The following RYR1 variants were observed in gnomAD, a reference collection of about 807,000 sequenced individuals.
RYR1 encodes the protein central core disease of muscle.
In RYR1, 342 loss-of-function variants were observed where a neutral mutation model predicts 583.5. The observed-to-expected ratio is 0.59, with a 90% CI of 0.54 to 0.64. The LOEUF (loss-of-function observed/expected upper bound fraction) is 0.64, where lower values mean the gene tolerates loss of function less well. Among genes scored for constraint, RYR1 ranks in the 30% least tolerant of loss-of-function variants. The pLI, the probability that RYR1 is intolerant of heterozygous loss-of-function variation, is 0.00. For missense variants in RYR1, 6,032 were observed against 6,917.2 expected (o/e 0.87, Z 4.54); for synonymous variants, 2,791 against 2,822.5 (o/e 0.99, Z 0.35).
chr19:38,567,622 C>A, intron 92 of RYR1, 151 bp from the exon 93 acceptor site: 2 of 1,096,082 alleles, frequency 1.8e-6, no homozygotes, highest in Non-Finnish European at 2.7e-6. Flanking sequence ...CCCATAAGGG[C>A]AAGTCCTGAT....
chr19:38,565,885 C>A lies in RYR1; in HGVS notation c.13437+114C>A. 1 of 1,180,756 alleles carries A rather than the reference C, an allele frequency of 8.5e-7. No individual in the cohort carries two copies. The highest frequency in any genetic ancestry group is 1.1e-6 in the Non-Finnish European group (1 of 920,264). The allele number at this position is 1,180,756 out of a possible 1,614,324, so 73.1% of individuals were successfully genotyped here. A position where few individuals can be genotyped will look rare whatever the true frequency, so the allele number is the denominator to read the frequency against. ...GGAGAGAACTGGCTAGGGGGATGGG[C>A]ACACGCACCCACGGAGGACGCACCC... On this transcript the variant is annotated intron_variant, in intron 91 of 105. Transcript: ENST00000359596. The surrounding 1 kb of genome is among the most constrained non-coding windows in gnomAD (Gnocchi z 4.7).
intron 63 of RYR1, among the ~76,000 whole-genome samples, chr19:38,514,303 CAG>C (rs1416527587): frequency 1.4e-5 from 2 of 140,690 alleles, no homozygotes; most frequent in African/African-American, 2.7e-5. Flanking sequence ...TTTTTTGAGA[CAG>C]AGTCTCGGTC....
At chr19:38,527,448 T>C (rs1424259210) in intron 72 of RYR1, 199 bp from the exon 73 acceptor site, 1 of 663,282 alleles carries the variant, frequency 1.5e-6, no homozygotes. Context: ...AGGCAGAGGT[T>C]GCAGTGAGCT....
rs1426300780 is a variant in RYR1, at chr19:38,505,926, A to G, written c.8521A>G (p.Lys2841Glu). 3 of 1,613,458 alleles carry G rather than the reference A, an allele frequency of 1.9e-6. No homozygotes were observed. In the South Asian group the frequency reaches 3.3e-5, roughly 18 times the overall value. The part of the protein sequence containing the change: ...EEKTEKKKTR[K>E]ISQSAQTYDP... ...GAAGACGGAAAAGAAAAAAACGCGG[A>G]AGATATCACAAAGTGCCCAGGTGAA... Residue 2841 changes from lysine to glutamate, a missense_variant, in exon 54 of 106, where the codon AAG becomes GAG. Lys to Glu is a moderately conservative substitution (Grantham distance 56, BLOSUM62 1). Around this residue, in one of 11 missense-constraint regions of RYR1, gnomAD observed 1,493 missense variants for 1,715.5 expected, o/e 0.87. Coordinates refer to ENST00000359596, the MANE Select transcript of RYR1 (RefSeq NM_000540.3).
Position 38,433,865 on chromosome 19 carries a change from C to T in RYR1, c.36C>T (p.Phe12=), listed in dbSNP as rs2145288960. ...GDAEGEDEVQ[F]LRTDDEVVLQ... is the part of the protein sequence containing the mutation. ...CAGAAGGCGAAGACGAGGTCCAGTT[C>T]CTGCGGACGGTGCGTATCTCTGGGT... Residue 12 remains phenylalanine (F), a synonymous_variant, in exon 1 of 106, where the codon TTC becomes TTT. Transcript: ENST00000359596. 2 of 1,612,396 alleles carry T rather than the reference C, an allele frequency of 1.2e-6. No homozygotes were observed. Among genetic ancestry groups the T allele is most frequent in the Non-Finnish European group, 1.7e-6 (2 of 1,179,366 alleles).
At position 38,565,240 on chromosome 19, in the gene RYR1, C is replaced by T; in HGVS notation, c.12906C>T (p.Gly4302=). The change falls in exon 91 of 106, where the codon GGC becomes GGT. Residue 4302 remains glycine, a synonymous_variant. Transcript: ENST00000359596. The surrounding 1 kb of genome is among the most constrained non-coding windows in gnomAD (Gnocchi z 4.7). ...CGGCGCGGGTTGTGGCGGCCGCAGG[C>T]CGGGCCCTGCGAGGCCTCAGCTACC... is the stretch of plus-strand genomic sequence containing the variant. ...GATARVVAAA[G]RALRGLSYRS... The T allele has an allele frequency of 1.0e-6, 1 of 989,526 alleles. No individual in the cohort carries two copies. The highest frequency in any genetic ancestry group is 1.2e-6 in the Non-Finnish European group (1 of 834,194). The allele number at this position is 989,526 out of a possible 1,614,324, so 61.3% of individuals were successfully genotyped here.
Position 38,473,570 on chromosome 19 carries a change from A to G in RYR1, c.3959A>G (p.Asp1320Gly). 1 of 1,599,702 alleles carries G rather than the reference A, an allele frequency of 6.3e-7. No individual in the cohort carries two copies. Among genetic ancestry groups the G allele is most frequent in the Non-Finnish European group, 8.5e-7 (1 of 1,173,720 alleles). Reference protein sequence around the residue: ...APPGLQPPAEDEARAAEPDPD... With the variant: ...APPGLQPPAEGEARAAEPDPD... ...CCTGGCCTGCAGCCCCCCGCCGAGGACGAGGCCCGGGCGGCGGAACCCGAC... is the reference window on the plus strand; with the variant it reads ...CCTGGCCTGCAGCCCCCCGCCGAGGGCGAGGCCCGGGCGGCGGAACCCGAC... The change falls in exon 28 of 106, where the codon GAC (aspartate) becomes GGC (glycine). Residue 1320 changes from aspartate (D) to glycine (G), a missense_variant. Around this residue, in one of 11 missense-constraint regions of RYR1, gnomAD observed 2,627 missense variants for 2,961.3 expected, o/e 0.89. Coordinates refer to ENST00000359596, the MANE Select transcript of RYR1 (RefSeq NM_000540.3).
chr19:38,575,601 A>G (rs1383280027), intron 96 of RYR1, among the ~76,000 whole-genome samples: 1 of 146,808 alleles, frequency 6.8e-6, no homozygotes, highest in Non-Finnish European at 1.5e-5. Context: ...TCAGAAGTTC[A>G]AGAACAGCCT....
chr19:38,575,436 G>C (rs932207458), intron 96 of RYR1, among the ~76,000 whole-genome samples: 1 of 152,100 alleles, frequency 6.6e-6, no homozygotes, highest in Non-Finnish European at 1.5e-5. Context: ...AAGGCGGGAG[G>C]GGGGATCACC....
At chr19:38,546,591 C>G (rs1640495852) in intron 88 of RYR1, 65 bp downstream of exon 88, 2 of 1,336,776 alleles carry the variant, frequency 1.5e-6, no homozygotes, top group African/African-American at 1.5e-5. Flanking sequence ...AGAATGGCCC[C>G]CTGAGACCCG....
At position 38,542,117 on chromosome 19, in the gene RYR1, T is replaced by A. The variant is rs1190458635; in HGVS notation, c.11690-1230T>A. 3.3e-5 allele frequency among the ~76,000 whole-genome samples: 5 copies of A among 150,464 alleles called. No individual in the cohort carries two copies. The East Asian group carries it at 5.8e-4, about 17-fold the overall frequency. On this transcript the variant is annotated intron_variant, in intron 84 of 105. Transcript: ENST00000359596. The stretch of plus-strand genomic sequence containing the variant: ...GGCCGGGGACTGTTTTTTTTTTTTT[T>A]ACTACTGTATCCCCAGAGCCTAGAA...
intron 90 of RYR1, among the ~76,000 whole-genome samples, chr19:38,564,426 G>A (rs1306440984): frequency 6.6e-6 from 1 of 152,182 alleles, no homozygotes. Flanking sequence ...TCAGGAGGCC[G>A]AGGCATGGGG....
chr19:38,473,650 G>T lies in RYR1; in HGVS notation c.4039G>T (p.Gly1347Cys). Residue 1347 changes from glycine (G) to cysteine (C), a missense_variant, in exon 28 of 106, where the codon GGC becomes TGC. This residue lies in a region of RYR1 where 2,627 missense variants were observed against 2,961.3 expected (regional missense o/e 0.89). Coordinates refer to ENST00000359596, the MANE Select transcript of RYR1 (RefSeq NM_000540.3). ...TGGGGGCTGGAGCGAGGCAGAGAAC[G>T]GCAAAGAAGGGACTGCGAAGGAGGG... ...SAGGWSEAEN[G>C]KEGTAKEGAP... 1.3e-6 allele frequency: 2 copies of T among 1,556,296 alleles called. No homozygotes were observed. Among genetic ancestry groups the T allele is most frequent in the Non-Finnish European group, 1.7e-6 (2 of 1,150,036 alleles).
intron 67 of RYR1, among the ~76,000 whole-genome samples, chr19:38,522,508 G>A (rs1266966315): frequency 6.6e-6 from 1 of 151,934 alleles, no homozygotes; most frequent in Non-Finnish European, 1.5e-5. Context: ...GCTACTCAGG[G>A]AGGCTGAAGT....
rs377285238 is a variant in RYR1, at chr19:38,467,802, A to G, written c.3371A>G (p.Asn1124Ser). ...GCTGACGAGCTGGCCTATGTCTTCAATGGGCACCGCGTGGGTACCTCCCTG... is the reference window on the plus strand; with the variant it reads ...GCTGACGAGCTGGCCTATGTCTTCAGTGGGCACCGCGTGGGTACCTCCCTG... ...LGADELAYVF[N>S]GHRGQRWHLG... Residue 1124 changes from asparagine (N) to serine (S), a missense_variant, in exon 25 of 106, where the codon AAT becomes AGT. This residue lies in a region of RYR1 where 2,627 missense variants were observed against 2,961.3 expected (regional missense o/e 0.89). Coordinates refer to ENST00000359596, the MANE Select transcript of RYR1 (RefSeq NM_000540.3). 31 of 1,613,998 alleles carry G rather than the reference A, an allele frequency of 1.9e-5. No individual in the cohort carries two copies. Among genetic ancestry groups the G allele is most frequent in the Non-Finnish European group, 2.4e-5 (28 of 1,180,012 alleles).
Position 38,444,328 on chromosome 19 carries a change from C to A in RYR1, c.537+67C>A. The A allele has an allele frequency of 7.7e-7, 1 of 1,298,658 alleles. No homozygotes were observed. The highest frequency in any genetic ancestry group is 1.1e-6 in the Non-Finnish European group (1 of 907,176). The allele number at this position is 1,298,658 out of a possible 1,614,324, so 80.4% of individuals were successfully genotyped here. On this transcript the variant is annotated intron_variant, in intron 6 of 105. Transcript: ENST00000359596. This position sits in a 1 kb window ranked among gnomAD's most constrained non-coding sequence, Gnocchi z 5.1. ...CATGGGATGGTCCCCATCTTCTCAC[C>A]ATGGGTTTGCCTGGCTGATCTCCCA...
chr19:38,460,545 G>A lies in RYR1; in HGVS notation c.2531G>A (p.Cys844Tyr), dbSNP rs146754847. The change falls in exon 20 of 106, where the codon TGC becomes TAC. Residue 844 changes from cysteine to tyrosine, a missense_variant. Coordinates refer to ENST00000359596, the MANE Select transcript of RYR1 (RefSeq NM_000540.3). ...RGPHLVGPSR[C>Y]LSHTDFVPCP... ...CCTCACCTGGTGGGCCCCAGTCGCTGCCTCTCACACACCGACTTCGTGCCC... is the reference window on the plus strand; with the variant it reads ...CCTCACCTGGTGGGCCCCAGTCGCTACCTCTCACACACCGACTTCGTGCCC... 2.5e-5 allele frequency: 41 copies of A among 1,613,880 alleles called. No individual in the cohort carries two copies. In the African/African-American group the frequency reaches 5.3e-4, roughly 21 times the overall value.
In RYR1 at chr19:38,444,294, C is replaced by A; in HGVS notation, c.537+33C>A. 1 of 1,538,792 alleles carries A rather than the reference C, an allele frequency of 6.5e-7. No individual in the cohort carries two copies. Among genetic ancestry groups the A allele is most frequent in the Non-Finnish European group, 9.0e-7 (1 of 1,114,196 alleles). ...ATTGCGGTTCCTCCTGCTCCCAGGTCTGGGGGCGCATGGGATGGTCCCCAT... is the reference window on the plus strand; with the variant it reads ...ATTGCGGTTCCTCCTGCTCCCAGGTATGGGGGCGCATGGGATGGTCCCCAT... On this transcript the variant is annotated intron_variant, in intron 6 of 105. Transcript: ENST00000359596. This position sits in a 1 kb window ranked among gnomAD's most constrained non-coding sequence, Gnocchi z 5.1.
intron 49 of RYR1, among the ~76,000 whole-genome samples, chr19:38,503,785 A>G (rs1970311891): frequency 6.6e-6 from 1 of 152,036 alleles, no homozygotes; most frequent in African/African-American, 2.4e-5. Context: ...AAAAAAAAAA[A>G]AAATTTGCAT....
Sources: allele counts gnomAD v4.1 joint callset (sites outside exome capture counted in the v4.1 genomes callset), GRCh38; gene constraint gnomAD v4.1.1; regional missense constraint gnomAD v4.1.1; non-coding constraint Gnocchi (gnomAD v3.1); transcripts MANE v1.5; gene names NCBI Gene and HGNC (gene_info 2026-07-23, HGNC 2026-07-21).